USH2A: variants seen among roughly 807,000 people sequenced by gnomAD.
The protein encoded by USH2A is Usher syndrome 2A (autosomal recessive, mild).
In USH2A, 443 loss-of-function variants were observed where a neutral mutation model predicts 538.9. The observed-to-expected ratio is 0.82, with a 90% CI of 0.76 to 0.89. The LOEUF is 0.89. Ranked by LOEUF, USH2A falls within the 40% of genes least tolerant of loss-of-function variation. The probability of loss-of-function intolerance (pLI) is 0.00; values close to 1 mark genes in which losing one functional copy is unlikely to be tolerated. For missense variants in USH2A, 6,633 were observed against 6,324.8 expected (o/e 1.05, Z -1.65); for synonymous variants, 2,413 against 2,273.5 (o/e 1.06, Z -1.75).
intron 35 of USH2A, among the ~76,000 whole-genome samples, chr1:215,991,260 T>C (rs544377445): frequency 6.6e-6 from 1 of 152,306 alleles, no homozygotes; most frequent in South Asian, 2.1e-4. Flanking sequence ...GCAATGTGTA[T>C]TCAGGTTGAG....
At chr1:216,355,383 G>GAAAGAAAGAAAGAAAGAAAGAAACAAAC (rs879931965) in intron 4 of USH2A, among the ~76,000 whole-genome samples, 2 of 148,422 alleles carry the variant, frequency 1.3e-5, no homozygotes, top group Non-Finnish European at 3.0e-5. Context: ...AAGAAGGAAA[G>GAAAGAAAGAAAGAAAGAAAGAAACAAAC]AAACATATAG....
At chr1:215,978,900 A>C (rs6665759) in intron 35 of USH2A, among the ~76,000 whole-genome samples, 2 of 152,216 alleles carry the variant, frequency 1.3e-5, no homozygotes, top group Non-Finnish European at 2.9e-5. Flanking sequence ...ACTGCCTAGA[A>C]GTAAGAAAGT....
In USH2A at chr1:215,973,940, T is replaced by TCACACACACACA. The variant is rs140368318; in HGVS notation, c.6806-3176_6806-3165dup. 8.6e-3 allele frequency among the ~76,000 whole-genome samples: 1,266 copies of TCACACACACACA among 146,378 alleles called. 15 individuals are homozygous for TCACACACACACA. The highest frequency in any genetic ancestry group is 0.019 in the African/African-American group (755 of 39,654). ...AAGTCTAACTTTAACATAGGTGAGA[T>TCACACACACACA]CACACACACACACACACACACACAC... On this transcript the variant is annotated intron_variant, in intron 35 of 71. Coordinates refer to ENST00000307340, the MANE Select transcript of USH2A (RefSeq NM_206933.4).
chr1:216,174,705 C>G, intron 21 of USH2A: 1 of 987,064 alleles, frequency 1.0e-6, no homozygotes, highest in Non-Finnish European at 1.2e-6. Flanking sequence ...GTTTTCCCCA[C>G]AATGTTCTTC....
At chr1:216,073,070 A>G (rs779664694) in intron 28 of USH2A, 27 bp downstream of exon 28, 7 of 1,613,738 alleles carry the variant, frequency 4.3e-6, no homozygotes, top group Non-Finnish European at 5.1e-6. Context: ...GACATGTAAC[A>G]TTTAATTTAG....
chr1:216,363,463 C>T (rs2038534866), intron 4 of USH2A, among the ~76,000 whole-genome samples: 1 of 152,002 alleles, frequency 6.6e-6, no homozygotes, highest in South Asian at 2.1e-4. Context: ...TGAATTCACG[C>T]AGGTTGGCAC....
intron 53 of USH2A, 23 bp downstream of exon 53, chr1:215,782,715 G>A (rs1460109456): frequency 6.2e-7 from 1 of 1,608,286 alleles, no homozygotes; most frequent in South Asian, 1.1e-5. Flanking sequence ...TTTGTTATTT[G>A]TATTTTAAAG....
chr1:215,637,227 G>C (rs549087250), intron 69 of USH2A, among the ~76,000 whole-genome samples: 3 of 152,266 alleles, frequency 2.0e-5, no homozygotes, highest in South Asian at 4.1e-4. Context: ...CTTAGAAGGC[G>C]AGCAACCTTG....
At chr1:215,917,927 C>T (rs1245912563) in intron 38 of USH2A, among the ~76,000 whole-genome samples, 1 of 151,928 alleles carries the variant, frequency 6.6e-6, no homozygotes. Context: ...TGTGCCACTA[C>T]ACTCTAGCCA....
At chr1:216,146,894 C>G (rs1206525150) in intron 21 of USH2A, among the ~76,000 whole-genome samples, 1 of 152,132 alleles carries the variant, frequency 6.6e-6, no homozygotes, top group East Asian at 1.9e-4. Flanking sequence ...GACCTAAAAC[C>G]TAAATGCCTT....
At chr1:216,140,127 T>G (rs2102610217) in intron 21 of USH2A, among the ~76,000 whole-genome samples, 1 of 151,972 alleles carries the variant, frequency 6.6e-6, no homozygotes, top group South Asian at 2.1e-4. Flanking sequence ...TAATATGAGG[T>G]TTGAAGAGTA....
At chr1:216,148,274 T>G (rs2102617508) in intron 21 of USH2A, among the ~76,000 whole-genome samples, 1 of 151,002 alleles carries the variant, frequency 6.6e-6, no homozygotes, top group East Asian at 2.0e-4. Flanking sequence ...GCACTCCTTT[T>G]TAGTTATCCC....
intron 21 of USH2A, among the ~76,000 whole-genome samples, chr1:216,139,776 C>T (rs1306144971): frequency 6.6e-6 from 1 of 152,178 alleles, no homozygotes; most frequent in Non-Finnish European, 1.5e-5. Flanking sequence ...CTGAAAAAGG[C>T]TCTGCAGTCA....
intron 65 of USH2A, 48 bp downstream of exon 65, chr1:215,650,544 T>C: frequency 1.2e-6 from 2 of 1,607,026 alleles, no homozygotes; most frequent in Non-Finnish European, 1.7e-6. Flanking sequence ...TTCATAGTAA[T>C]GATTTTTAAA....
At chr1:216,117,107 A>G (rs1444299420) in intron 21 of USH2A, among the ~76,000 whole-genome samples, 1 of 152,122 alleles carries the variant, frequency 6.6e-6, no homozygotes, top group Non-Finnish European at 1.5e-5. Context: ...GCCTAGAATG[A>G]CACTTTGTCT....
Position 215,634,706 on chromosome 1 carries a change from G to A in USH2A, c.15053-3C>T. ...CCCAGGAGTTGTTAGGACCAAGCCT[G>A]CAAAACCCAGAGAAAGAAAGGGGAA... On this transcript the variant is annotated splice_region_variant and splice_polypyrimidine_tract_variant and intron_variant, in intron 69 of 71. Transcript: ENST00000307340. 1 of 1,614,218 alleles carries A rather than the reference G, an allele frequency of 6.2e-7. No homozygotes were observed. Among genetic ancestry groups the A allele is most frequent in the Non-Finnish European group, 8.5e-7 (1 of 1,180,044 alleles).
chr1:215,761,391 C>G (rs1349882812), intron 56 of USH2A, among the ~76,000 whole-genome samples: 1 of 152,130 alleles, frequency 6.6e-6, no homozygotes, highest in Non-Finnish European at 1.5e-5. Flanking sequence ...CTTCTTAACA[C>G]TCAAGACATC....
At chr1:216,130,578 A>G (rs1380310269) in intron 21 of USH2A, among the ~76,000 whole-genome samples, 1 of 146,770 alleles carries the variant, frequency 6.8e-6, no homozygotes, top group Non-Finnish European at 1.5e-5. Context: ...AATATATAAT[A>G]TATAATACAC....
At chr1:216,050,761 C>A (rs936687112) in intron 30 of USH2A, among the ~76,000 whole-genome samples, 1 of 150,846 alleles carries the variant, frequency 6.6e-6, no homozygotes, top group Non-Finnish European at 1.5e-5. Context: ...CCCGCCACCA[C>A]GCCCGGCTAA....
Sources: gnomAD v4.1 joint callset for allele counts (sites outside exome capture counted in the v4.1 genomes callset) on GRCh38, gnomAD v4.1.1 for gene constraint, MANE v1.5 for transcripts, NCBI Gene and HGNC (gene_info 2026-07-23, HGNC 2026-07-21) for gene names.